Variants in BAIAP2L1 observed in about 807,000 individuals in gnomAD.
The protein encoded by BAIAP2L1 is BAR/IMD domain containing adaptor protein 2 like 1.
BAIAP2L1 carries 35 observed loss-of-function variants against 66.3 expected under a neutral mutation model. The observed-to-expected ratio is 0.53, with a 90% CI of 0.40 to 0.70. BAIAP2L1 has a LOEUF of 0.70. BAIAP2L1 is among the 30% of genes least tolerant of loss of function. The pLI is 0.00. For missense variants in BAIAP2L1, 622 were observed against 656.9 expected (o/e 0.95, Z 0.58); for synonymous variants, 269 against 248.7 (o/e 1.08, Z -0.77).
chr7:98,323,838 G>C (rs1801311528), intron 3 of BAIAP2L1, among the ~76,000 whole-genome samples: 1 of 152,358 alleles, frequency 6.6e-6, no homozygotes. Context: ...TCTTGGCTGC[G>C]ATTCTGCAAG....
intron 2 of BAIAP2L1, among the ~76,000 whole-genome samples, chr7:98,355,635 G>A (rs1224599894): frequency 6.6e-6 from 1 of 152,030 alleles, no homozygotes; most frequent in Non-Finnish European, 1.5e-5. Flanking sequence ...AGGCTGAGGT[G>A]AGAGGATCGC....
At chr7:98,335,008 C>A (rs1057250322) in intron 3 of BAIAP2L1, among the ~76,000 whole-genome samples, 13 of 150,654 alleles carry the variant, frequency 8.6e-5, no homozygotes, top group African/African-American at 2.9e-4. Flanking sequence ...AAAAAAGTAG[C>A]CGGGCGTGGT....
chr7:98,298,463 CTT>C (rs896182975), intron 12 of BAIAP2L1, among the ~76,000 whole-genome samples: 1 of 152,022 alleles, frequency 6.6e-6, no homozygotes, highest in South Asian at 2.1e-4. Flanking sequence ...ATACAAAAAA[CTT>C]AGCCAGGCGT....
intron 1 of BAIAP2L1, among the ~76,000 whole-genome samples, chr7:98,382,586 C>T (rs1365286046): frequency 1.3e-5 from 2 of 152,134 alleles, no homozygotes; most frequent in East Asian, 3.9e-4. Context: ...AATCACTTTC[C>T]TTTGTAGTTT....
At position 98,292,451 on chromosome 7, in the gene BAIAP2L1, G is replaced by C. The variant is rs1800006860; in HGVS notation, c.*1070C>G. ...GGCCTCACAAAATGCTGGGATTCCC[G>C]TACCTGGGCCGGGCTGGGAATTTTA... is the stretch of plus-strand genomic sequence containing the variant. On this transcript the variant is annotated 3_prime_UTR_variant, in exon 14 of 14. Coordinates refer to ENST00000005260, the MANE Select transcript of BAIAP2L1 (RefSeq NM_018842.5). The C allele has an allele frequency of 1.7e-6, 1 of 603,824 alleles. No individual in the cohort carries two copies. Among genetic ancestry groups the C allele is most frequent in the Non-Finnish European group, 2.9e-6 (1 of 342,902 alleles). The allele number at this position is 603,824 out of a possible 1,614,324, so 37.4% of individuals were successfully genotyped here.
intron 1 of BAIAP2L1, among the ~76,000 whole-genome samples, chr7:98,389,048 T>C (rs577215108): frequency 1.6e-4 from 25 of 152,202 alleles, no homozygotes; most frequent in Admixed American, 3.9e-4. Flanking sequence ...GGAATTATCA[T>C]TGTGACTTTC....
At chr7:98,332,513 A>G (rs753792803) in intron 3 of BAIAP2L1, among the ~76,000 whole-genome samples, 49 of 151,064 alleles carry the variant, frequency 3.2e-4, no homozygotes, top group Non-Finnish European at 6.8e-4. Context: ...TCTAAAAAGT[A>G]TAACAAAGTA....
At chr7:98,320,981 C>T (rs528395847) in intron 3 of BAIAP2L1, among the ~76,000 whole-genome samples, 6 of 152,254 alleles carry the variant, frequency 3.9e-5, no homozygotes, top group South Asian at 2.1e-4. Flanking sequence ...CTCAGCCTCC[C>T]GAGTAGCTGG....
At chr7:98,371,192 A>G (rs1802503538) in intron 1 of BAIAP2L1, among the ~76,000 whole-genome samples, 1 of 152,232 alleles carries the variant, frequency 6.6e-6, no homozygotes, top group Non-Finnish European at 1.5e-5. Flanking sequence ...TGGGCCAAGC[A>G]GCACTGTTAC....
chr7:98,353,408 ATATAT>A (rs1373793023), intron 3 of BAIAP2L1, among the ~76,000 whole-genome samples: 2 of 137,454 alleles, frequency 1.5e-5, no homozygotes, highest in African/African-American at 5.4e-5. Context: ...TACATAATAT[ATATAT>A]TATAAATATA....
chr7:98,312,111 C>G lies in BAIAP2L1; in HGVS notation c.793G>C (p.Glu265Gln), dbSNP rs749542573. 12 of 1,599,584 alleles carry G rather than the reference C, an allele frequency of 7.5e-6. No homozygotes were observed. In the East Asian group the frequency reaches 1.1e-4, roughly 15 times the overall value. ...CTGGCTCCTACCACATTGCTTCTCTCGATCATGGGTGAAGCCTGAGGAGTT... is the reference window on the plus strand; with the variant it reads ...CTGGCTCCTACCACATTGCTTCTCTGGATCATGGGTGAAGCCTGAGGAGTT... ...SGTPQASPMI[E>Q]RSNVVRKDYD... Residue 265 changes from glutamate to glutamine, a missense_variant, in exon 8 of 14, where the codon GAG becomes CAG. Transcript: ENST00000005260.
chr7:98,347,790 A>G (rs1300060426), intron 3 of BAIAP2L1, among the ~76,000 whole-genome samples: 1 of 152,098 alleles, frequency 6.6e-6, no homozygotes, highest in Admixed American at 6.6e-5. Flanking sequence ...AAAAAAAAAG[A>G]AATTAGAAAA....
chr7:98,310,833 G>A (rs1016175297), intron 8 of BAIAP2L1, among the ~76,000 whole-genome samples: 9 of 151,986 alleles, frequency 5.9e-5, no homozygotes, highest in Non-Finnish European at 1.0e-4. Context: ...TAACAGGCAC[G>A]CACTACCACA....
intron 5 of BAIAP2L1, 89 bp downstream of exon 5, chr7:98,319,969 G>T: frequency 9.7e-7 from 1 of 1,027,830 alleles, no homozygotes; most frequent in Non-Finnish European, 1.5e-6. Flanking sequence ...CCTGTCTGCT[G>T]CTGATGAGTC....
chr7:98,313,271 T>C (rs1800943910), intron 7 of BAIAP2L1, among the ~76,000 whole-genome samples: 1 of 151,972 alleles, frequency 6.6e-6, no homozygotes, highest in African/African-American at 2.4e-5. Flanking sequence ...ACAAAACCAG[T>C]TTTCAGATAC....
intron 3 of BAIAP2L1, among the ~76,000 whole-genome samples, chr7:98,333,085 T>C (rs1801537060): frequency 6.6e-6 from 1 of 151,902 alleles, no homozygotes; most frequent in Admixed American, 6.6e-5. Flanking sequence ...GCCTGATGAG[T>C]TCCCCGCAGT....
chr7:98,396,668 G>A (rs2115866173), intron 1 of BAIAP2L1, among the ~76,000 whole-genome samples: 1 of 152,256 alleles, frequency 6.6e-6, no homozygotes, highest in East Asian at 1.9e-4. Context: ...GGCGGCTGTA[G>A]TCCCAGCTAC....
chr7:98,375,379 A>G (rs931163167), intron 1 of BAIAP2L1, among the ~76,000 whole-genome samples: 2 of 149,740 alleles, frequency 1.3e-5, no homozygotes, highest in African/African-American at 5.0e-5. Context: ...AGGCGACAGT[A>G]CAACACTCCA....
At position 98,393,036 on chromosome 7, in the gene BAIAP2L1, TAC is replaced by T. The variant is rs1030707812; in HGVS notation, c.51+7764_51+7765del. 2.4e-5 allele frequency among the ~76,000 whole-genome samples: 3 copies of T among 126,712 alleles called. 1 individual carries two copies. Among genetic ancestry groups the T allele is most frequent in the African/African-American group, 9.0e-5 (3 of 33,454 alleles). The allele number at this position is 126,712 out of a possible 152,430, so 83.1% of individuals were successfully genotyped here. On this transcript the variant is annotated intron_variant, in intron 1 of 13. Coordinates refer to ENST00000005260, the MANE Select transcript of BAIAP2L1 (RefSeq NM_018842.5). ...ATATATATACATACACACATATATA[TAC>T]ATATATACGTGTACATATATGTACA...
Sources: gnomAD v4.1 joint callset for allele counts (sites outside exome capture counted in the v4.1 genomes callset) on GRCh38, gnomAD v4.1.1 for gene constraint, MANE v1.5 for transcripts, NCBI Gene and HGNC (gene_info 2026-07-23, HGNC 2026-07-21) for gene names.